SMARCAL1: variants seen among roughly 807,000 people sequenced by gnomAD.
SMARCAL1 encodes ATP-driven annealing helicase.
SMARCAL1 carries 58 observed loss-of-function variants against 94.5 expected under a neutral mutation model. The ratio of observed to expected loss-of-function variants is 0.61; its 90% CI spans 0.50 to 0.76. The LOEUF is 0.76. Ranked by LOEUF, SMARCAL1 falls within the 30% of genes least tolerant of loss-of-function variation. The pLI, the probability that SMARCAL1 is intolerant of heterozygous loss-of-function variation, is 0.00. For missense variants in SMARCAL1, 1,051 were observed against 1,177.9 expected (o/e 0.89, Z 1.58); for synonymous variants, 422 against 455.1 (o/e 0.93, Z 0.93).
At chr2:216,434,204 C>G (rs1361950718) in intron 8 of SMARCAL1, among the ~76,000 whole-genome samples, 2 of 151,940 alleles carry the variant, frequency 1.3e-5, no homozygotes, top group African/African-American at 4.8e-5. Context: ...GAAGAGTCAG[C>G]CAGACGGTGA....
intron 12 of SMARCAL1, among the ~76,000 whole-genome samples, chr2:216,459,267 A>C (rs1694644176): frequency 6.6e-6 from 1 of 152,210 alleles, no homozygotes; most frequent in African/African-American, 2.4e-5. Context: ...GCCCAGGGTA[A>C]TTTATAGATT....
chr2:216,416,201 T>C, intron 3 of SMARCAL1, 56 bp from the exon 4 acceptor site: 1 of 1,448,766 alleles, frequency 6.9e-7, no homozygotes, highest in Non-Finnish European at 9.7e-7. Context: ...GACAAGCTTG[T>C]GTTGAGTGCC....
intron 7 of SMARCAL1, among the ~76,000 whole-genome samples, chr2:216,431,747 T>C (rs2106032268): frequency 6.6e-6 from 1 of 152,298 alleles, no homozygotes; most frequent in South Asian, 2.1e-4. Flanking sequence ...TCTGAAATAG[T>C]GGAATACACC....
At chr2:216,454,412 C>T (rs988540442) in intron 12 of SMARCAL1, among the ~76,000 whole-genome samples, 1 of 152,254 alleles carries the variant, frequency 6.6e-6, no homozygotes, top group Middle Eastern at 3.4e-3. Context: ...TGGTGCTTTA[C>T]GTGTATTGCG....
rs1338436371 is a variant in SMARCAL1, at chr2:216,414,662, C to T, written c.-43C>T. ...TCTTCCACAGCTTTTGCCAACTTTC[C>T]AATTAAAGGTTGACATTCCTGCATA... On this transcript the variant is annotated 5_prime_UTR_variant, in exon 3 of 18. It introduces an in-frame stop codon into an upstream open reading frame of the 5' UTR. Transcript: ENST00000357276. The T allele has an allele frequency of 9.6e-6, 15 of 1,569,510 alleles. No homozygotes were observed. Among genetic ancestry groups the T allele is most frequent in the Non-Finnish European group, 1.3e-5 (15 of 1,139,766 alleles).
chr2:216,454,182 A>G (rs1187470738), intron 12 of SMARCAL1, among the ~76,000 whole-genome samples: 3 of 152,272 alleles, frequency 2.0e-5, no homozygotes, highest in Admixed American at 2.0e-4. Context: ...TCAGGAACAA[A>G]GAATGCAGGT....
In SMARCAL1 at chr2:216,415,440, G is replaced by A. The variant is rs534474398; in HGVS notation, c.736G>A (p.Asp246Asn). The A allele has an allele frequency of 6.8e-6, 11 of 1,614,194 alleles. No homozygotes were observed. Among genetic ancestry groups the A allele is most frequent in the East Asian group, 4.5e-5 (2 of 44,884 alleles). ...GAAGGGAAAGTGCGTAAGGAACGGC[G>A]ATCGTTTCCAGGTGTTGATTGGGTA... is the stretch of plus-strand genomic sequence containing the variant. ...SQKGKCVRNG[D>N]RFQVLIGYNA... is the part of the protein sequence containing the mutation. Residue 246 changes from aspartate to asparagine, a missense_variant, in exon 3 of 18, where the codon GAT becomes AAT. Physicochemically the swap from Asp to Asn is conservative, Grantham distance 23. This residue lies in a region of SMARCAL1 where 398 missense variants were observed against 395.2 expected (regional missense o/e 1.01). Coordinates refer to ENST00000357276, the MANE Select transcript of SMARCAL1 (RefSeq NM_014140.4).
intron 7 of SMARCAL1, 125 bp from the exon 8 acceptor site, chr2:216,432,593 G>T: frequency 9.1e-7 from 1 of 1,095,812 alleles, no homozygotes; most frequent in Non-Finnish European, 1.4e-6. Flanking sequence ...AGCAAGTCTG[G>T]TGGTGGGCTG....
At chr2:216,440,450 A>G (rs1323476844) in intron 10 of SMARCAL1, among the ~76,000 whole-genome samples, 1 of 152,122 alleles carries the variant, frequency 6.6e-6, no homozygotes, top group East Asian at 1.9e-4. Flanking sequence ...TAATATCTTG[A>G]GTGTGTTTCA....
chr2:216,451,631 T>A (rs114756545), intron 12 of SMARCAL1: 1 of 167,180 alleles, frequency 6.0e-6, no homozygotes, highest in South Asian at 1.5e-4. Context: ...GAGATTGCAG[T>A]TTGCCCAGGG....
At chr2:216,414,455 T>A (rs1693538883) in intron 2 of SMARCAL1, 192 bp from the exon 3 acceptor site, 1 of 484,704 alleles carries the variant, frequency 2.1e-6, no homozygotes, top group South Asian at 2.1e-5. Flanking sequence ...TTTTGCTTTT[T>A]GATCAGGGTC....
intron 7 of SMARCAL1, among the ~76,000 whole-genome samples, chr2:216,432,144 C>T (rs1461790335): frequency 6.6e-6 from 1 of 152,136 alleles, no homozygotes; most frequent in Non-Finnish European, 1.5e-5. Flanking sequence ...GCCTCAGCCT[C>T]CCAAGTAGCT....
intron 14 of SMARCAL1, among the ~76,000 whole-genome samples, chr2:216,468,385 G>A (rs1694879920): frequency 6.6e-6 from 1 of 152,210 alleles, no homozygotes; most frequent in Non-Finnish European, 1.5e-5. Context: ...AAGTATTTAT[G>A]TGAATGTTTT....
chr2:216,478,586 T>C (rs1326607769), intron 17 of SMARCAL1, among the ~76,000 whole-genome samples: 1 of 152,132 alleles, frequency 6.6e-6, no homozygotes, highest in African/African-American at 2.4e-5. Context: ...ATGGCAAATG[T>C]TGAATTGTTT....
At chr2:216,476,166 AG>A (rs1695073347) in intron 15 of SMARCAL1, among the ~76,000 whole-genome samples, 4 of 152,172 alleles carry the variant, frequency 2.6e-5, no homozygotes, top group Admixed American at 2.6e-4. Flanking sequence ...GGTAATCTCC[AG>A]AAAAGTTATA....
chr2:216,435,325 C>A lies in SMARCAL1; in HGVS notation c.1486-13C>A. 1 of 1,613,988 alleles carries A rather than the reference C, an allele frequency of 6.2e-7. No individual in the cohort carries two copies. Among genetic ancestry groups the A allele is most frequent in the Non-Finnish European group, 8.5e-7 (1 of 1,179,936 alleles). ...GTGGTCATTGTAGCTTTGTTCCCTC[C>A]TGTCATCCACAGGCCTTCCTTCGGT... is the stretch of plus-strand genomic sequence containing the variant. On this transcript the variant is annotated splice_polypyrimidine_tract_variant and intron_variant, in intron 8 of 17. Transcript: ENST00000357276.
At chr2:216,447,629 G>A (rs1366599792) in intron 11 of SMARCAL1, among the ~76,000 whole-genome samples, 2 of 151,394 alleles carry the variant, frequency 1.3e-5, no homozygotes, top group East Asian at 2.0e-4. Context: ...CTCCTGGCAT[G>A]GGAGGAATAT....
At chr2:216,429,663 C>G (rs1038689649) in intron 7 of SMARCAL1, among the ~76,000 whole-genome samples, 1 of 151,876 alleles carries the variant, frequency 6.6e-6, no homozygotes, top group Non-Finnish European at 1.5e-5. Flanking sequence ...AACAATGGCA[C>G]TGACAAACCA....
At chr2:216,470,490 T>C (rs1211362899) in intron 14 of SMARCAL1, among the ~76,000 whole-genome samples, 1 of 143,720 alleles carries the variant, frequency 7.0e-6, no homozygotes, top group East Asian at 2.0e-4. Context: ...TCCAACTAGA[T>C]CTTTTTTTTT....
Sources: allele counts gnomAD v4.1 joint callset (sites outside exome capture counted in the v4.1 genomes callset), GRCh38; gene constraint gnomAD v4.1.1; regional missense constraint gnomAD v4.1.1; transcripts MANE v1.5; gene names NCBI Gene and HGNC (gene_info 2026-07-23, HGNC 2026-07-21).